Variants in RIMS1 observed in about 807,000 individuals in gnomAD.
The protein encoded by RIMS1 is regulating synaptic membrane exocytosis protein 1.
Under a neutral mutation model 214.1 loss-of-function variants are expected in RIMS1, and 83 were observed. The ratio of observed to expected loss-of-function variants is 0.39; its 90% CI spans 0.32 to 0.47. The LOEUF is 0.47. RIMS1 is among the 20% of genes least tolerant of loss of function. The pLI is 0.99. For synonymous variants in RIMS1, 793 were observed against 786.8 expected (o/e 1.01, Z -0.13); for missense variants, 2,050 against 2,161.8 (o/e 0.95, Z 1.03).
At chr6:72,222,086 T>C (rs545993643) in intron 6 of RIMS1, among the ~76,000 whole-genome samples, 12 of 152,076 alleles carry the variant, frequency 7.9e-5, no homozygotes, top group South Asian at 2.1e-4. Context: ...ATATGAAAAA[T>C]TGACTTTTTA....
At chr6:71,923,437 C>T (rs2150786495) in intron 1 of RIMS1, among the ~76,000 whole-genome samples, 1 of 152,276 alleles carries the variant, frequency 6.6e-6, no homozygotes. Flanking sequence ...TCTCCTTAAG[C>T]CATATTAAAT....
intron 1 of RIMS1, among the ~76,000 whole-genome samples, chr6:71,961,252 A>G (rs1792865437): frequency 6.6e-6 from 1 of 152,138 alleles, no homozygotes. Context: ...GAAAGGTGAC[A>G]TTTTGAGAAA....
chr6:72,229,974 A>G (rs886619646), intron 6 of RIMS1, among the ~76,000 whole-genome samples: 2 of 151,846 alleles, frequency 1.3e-5, no homozygotes, highest in African/African-American at 4.8e-5. Context: ...GCATAAAAAC[A>G]TTCAATAAAC....
chr6:72,064,668 T>C (rs2152270286), intron 2 of RIMS1, among the ~76,000 whole-genome samples: 1 of 144,780 alleles, frequency 6.9e-6, no homozygotes, highest in East Asian at 2.1e-4. Context: ...GAGCTAGACT[T>C]TGTTTTTCAT....
chr6:72,006,140 T>C (rs1807501585), intron 2 of RIMS1, among the ~76,000 whole-genome samples: 3 of 152,148 alleles, frequency 2.0e-5, no homozygotes, highest in Admixed American at 1.3e-4. Context: ...TCCATTCTTA[T>C]CACAGCACCA....
In RIMS1 at chr6:72,313,803, A is replaced by C. The variant is rs530473658; in HGVS notation, c.4130+131A>C. 6.8e-6 allele frequency: 6 copies of C among 878,056 alleles called. No individual in the cohort carries two copies. The African/African-American group carries it at 8.5e-5, about 12-fold the overall frequency. The allele number at this position is 878,056 out of a possible 1,614,324, so 54.4% of individuals were successfully genotyped here. The stretch of plus-strand genomic sequence containing the variant: ...GTTAAGTATTTATCGACTACTATGT[A>C]GTATTGCCAACAGAATGTTTAGTAT... On this transcript the variant is annotated intron_variant, in intron 28 of 33. Coordinates refer to ENST00000521978, the MANE Select transcript of RIMS1 (RefSeq NM_014989.7).
intron 2 of RIMS1, among the ~76,000 whole-genome samples, chr6:72,070,947 G>T (rs888276358): frequency 6.6e-6 from 1 of 152,142 alleles, no homozygotes; most frequent in African/African-American, 2.4e-5. Flanking sequence ...ATGGTTGAAG[G>T]AAATCGAAAG....
At chr6:71,931,004 A>C (rs1782864613) in intron 1 of RIMS1, among the ~76,000 whole-genome samples, 1 of 152,054 alleles carries the variant, frequency 6.6e-6, no homozygotes, top group Admixed American at 6.6e-5. Flanking sequence ...CATATTATTG[A>C]CACTAGTGTT....
At position 72,006,226 on chromosome 6, in the gene RIMS1, G is replaced by T. The variant is rs560409548; in HGVS notation, c.245+37163G>T. 2.6e-5 allele frequency among the ~76,000 whole-genome samples: 4 copies of T among 152,244 alleles called. No individual in the cohort carries two copies. In the South Asian group the frequency reaches 8.3e-4, roughly 32 times the overall value. ...TCCACCTCATAATACCATCCTATTG[G>T]GGATTAATATTTCAACATATGAATG... On this transcript the variant is annotated intron_variant, in intron 2 of 33. Transcript: ENST00000521978.
At chr6:72,325,745 A>C (rs2096431045) in intron 28 of RIMS1, among the ~76,000 whole-genome samples, 1 of 151,924 alleles carries the variant, frequency 6.6e-6, no homozygotes, top group Non-Finnish European at 1.5e-5. Context: ...GATTTAATAA[A>C]AATTACAGAG....
rs946973429 is a variant in RIMS1, at chr6:72,182,857, G to A, written c.1386G>A (p.Pro462=). The part of the protein sequence containing the change: ...PRHGPVPAEA[P]ELKAQEPLRK... The stretch of plus-strand genomic sequence containing the variant: ...ATGGGCCGGTTCCCGCAGAAGCCCC[G>A]GAGCTCAAAGCCCAGGAGCCCCTCA... The change falls in exon 6 of 34, where the codon CCG becomes CCA. Residue 462 remains proline, a synonymous_variant. Transcript: ENST00000521978. The A allele has an allele frequency of 7.1e-6, 11 of 1,557,248 alleles. No individual in the cohort carries two copies. The East Asian group carries it at 7.3e-5, about 10-fold the overall frequency.
At chr6:71,936,293 C>G (rs1784413206) in intron 1 of RIMS1, among the ~76,000 whole-genome samples, 1 of 134,134 alleles carries the variant, frequency 7.5e-6, no homozygotes, top group Non-Finnish European at 1.5e-5. Context: ...CGCCACTGCA[C>G]TCCAGCCTGG....
intron 29 of RIMS1, among the ~76,000 whole-genome samples, chr6:72,340,051 T>C (rs940094399): frequency 1.8e-4 from 27 of 152,124 alleles, no homozygotes; most frequent in African/African-American, 6.3e-4. Context: ...ATGAGCATTT[T>C]TTCATGTGGT....
intron 7 of RIMS1, among the ~76,000 whole-genome samples, chr6:72,235,414 G>A (rs2697443): frequency 1 from 152,191 of 152,212 alleles, 76,085 homozygotes; most frequent in Non-Finnish European, 1. Flanking sequence ...CAACATCAAC[G>A]TTTTTTTAGC....
intron 23 of RIMS1, among the ~76,000 whole-genome samples, chr6:72,274,916 G>C (rs1168711455): frequency 6.6e-6 from 1 of 151,326 alleles, no homozygotes; most frequent in East Asian, 1.9e-4. Context: ...AAAATACCTG[G>C]TTTTTATATA....
At position 72,325,913 on chromosome 6, in the gene RIMS1, C is replaced by A. The variant is rs1031115388; in HGVS notation, c.4131-7687C>A. 9.2e-5 allele frequency among the ~76,000 whole-genome samples: 14 copies of A among 151,662 alleles called. No homozygotes were observed. In the South Asian group the frequency reaches 2.9e-3, roughly 32 times the overall value. ...CCACCTTGATTATTAATCACCAGTC[C>A]CTGTGTTATGACCACTGAAAATTAT... On this transcript the variant is annotated intron_variant, in intron 28 of 33. Coordinates refer to ENST00000521978, the MANE Select transcript of RIMS1 (RefSeq NM_014989.7).
chr6:72,022,975 T>C (rs1477300605), intron 2 of RIMS1, among the ~76,000 whole-genome samples: 2 of 152,196 alleles, frequency 1.3e-5, no homozygotes, highest in Admixed American at 1.3e-4. Flanking sequence ...CACATAAATG[T>C]ACAGATTTTA....
chr6:72,086,058 G>T (rs1834585755), intron 2 of RIMS1, among the ~76,000 whole-genome samples: 1 of 152,002 alleles, frequency 6.6e-6, no homozygotes. Context: ...CTGGATTTTG[G>T]AATCCTTCCT....
chr6:72,176,580 A>C (rs2047738370), intron 4 of RIMS1, among the ~76,000 whole-genome samples: 1 of 152,182 alleles, frequency 6.6e-6, no homozygotes, highest in Non-Finnish European at 1.5e-5. Flanking sequence ...AAATATTTTA[A>C]CATTGCCATG....
Sources: gnomAD v4.1 joint callset for allele counts (sites outside exome capture counted in the v4.1 genomes callset) on GRCh38, gnomAD v4.1.1 for gene constraint, MANE v1.5 for transcripts, NCBI Gene and HGNC (gene_info 2026-07-23, HGNC 2026-07-21) for gene names.